Variants in BIN1 observed in about 807,000 individuals in gnomAD.
BIN1 encodes the protein myc box-dependent-interacting protein 1.
In BIN1, 53 loss-of-function variants were observed where a neutral mutation model predicts 82.0. That is an observed-to-expected ratio of 0.65 (90% CI 0.52 to 0.81). The LOEUF (loss-of-function observed/expected upper bound fraction) is 0.81, where lower values mean the gene tolerates loss of function less well. Ranked by LOEUF, BIN1 falls within the 40% of genes least tolerant of loss-of-function variation. BIN1 has a pLI of 0.00. For synonymous variants in BIN1, 302 were observed against 328.0 expected (o/e 0.92, Z 0.86); for missense variants, 642 against 784.4 (o/e 0.82, Z 2.17).
At chr2:127,061,668 G>T (rs1204646386) in intron 10 of BIN1, among the ~76,000 whole-genome samples, 3 of 152,202 alleles carry the variant, frequency 2.0e-5, no homozygotes, top group Admixed American at 2.0e-4. Context: ...TGCTCGTGTG[G>T]TTGAGCAGAA....
Position 127,048,532 on chromosome 2 carries a change from G to C in BIN1, c.1776C>G (p.Val592=). Residue 592 remains valine, a synonymous_variant, in exon 19 of 19, where the codon GTC becomes GTG. Coordinates refer to ENST00000316724, the MANE Select transcript of BIN1 (RefSeq NM_139343.3). ...GVFPENFTER[V]P is the part of the protein sequence containing the mutation. ...GGCTGCCTGGGCCCCGCCGTCATGG[G>C]ACCCTCTCAGTGAAGTTCTCGGGGA... The C allele has an allele frequency of 6.2e-7, 1 of 1,613,878 alleles. No individual in the cohort carries two copies. The highest frequency in any genetic ancestry group is 8.5e-7 in the Non-Finnish European group (1 of 1,179,996).
chr2:127,050,385 TCC>T (rs748563618), intron 18 of BIN1, 34 bp downstream of exon 18: 1 of 1,606,886 alleles, frequency 6.2e-7, no homozygotes, highest in African/African-American at 1.3e-5. Context: ...ATGCCTGTGG[TCC>T]CCCTGCGCTC....
intron 1 of BIN1, among the ~76,000 whole-genome samples, chr2:127,085,931 G>A (rs578116280): frequency 2.4e-4 from 36 of 152,326 alleles, no homozygotes; most frequent in African/African-American, 8.7e-4. Context: ...TCTCACTTCA[G>A]AGGGGACTCC....
At chr2:127,102,007 T>C (rs898606761) in intron 1 of BIN1, among the ~76,000 whole-genome samples, 4 of 152,154 alleles carry the variant, frequency 2.6e-5, no homozygotes, top group African/African-American at 9.7e-5. Context: ...TGGCATTCAA[T>C]GAGCACTTGC....
intron 7 of BIN1, 84 bp from the exon 8 acceptor site, chr2:127,064,102 C>T (rs1366225552): frequency 1.3e-6 from 2 of 1,502,596 alleles, no homozygotes; most frequent in African/African-American, 2.7e-5. Flanking sequence ...CTCCTGCCCA[C>T]CCCTCTTGGC....
intron 17 of BIN1, 126 bp from the exon 18 acceptor site, chr2:127,050,648 A>G (rs1682800620): frequency 1.5e-6 from 2 of 1,340,866 alleles, no homozygotes; most frequent in Non-Finnish European, 1.1e-6. Context: ...AAGCAGCAGG[A>G]CAGTATGGGG....
intron 1 of BIN1, among the ~76,000 whole-genome samples, chr2:127,087,079 T>C (rs1053117569): frequency 6.6e-6 from 1 of 152,182 alleles, no homozygotes; most frequent in African/African-American, 2.4e-5. Flanking sequence ...GAGCAAAAAG[T>C]GGTGTTGGGT....
chr2:127,063,583 C>T lies in BIN1; in HGVS notation c.762G>A (p.Lys254=). Residue 254 remains lysine (K), a synonymous_variant, in exon 9 of 19, where the codon AAG becomes AAA. Coordinates refer to ENST00000316724, the MANE Select transcript of BIN1 (RefSeq NM_139343.3). ...SIAGLEENFH[K]EMSKLNQNLN... is the part of the protein sequence containing the mutation. ...CCCCATGGCCTACCTTGCTCATCTC[C>T]TTGTGGAAGTTTTCCTCCAGGCCCG... 1 of 1,614,012 alleles carries T rather than the reference C, an allele frequency of 6.2e-7. No individual in the cohort carries two copies. The highest frequency in any genetic ancestry group is 8.5e-7 in the Non-Finnish European group (1 of 1,179,972).
chr2:127,074,104 T>C (rs1304955437), intron 2 of BIN1, among the ~76,000 whole-genome samples: 1 of 152,014 alleles, frequency 6.6e-6, no homozygotes, highest in African/African-American at 2.4e-5. Flanking sequence ...CCTTGTCCCT[T>C]GTAGTGCTGG....
chr2:127,051,032 G>A (rs1052980508), intron 16 of BIN1, 120 bp from the exon 17 acceptor site: 31 of 1,503,714 alleles, frequency 2.1e-5, no homozygotes, highest in Admixed American at 1.0e-4. Flanking sequence ...AGACCGGCCC[G>A]CCTCCAGCTT....
chr2:127,064,450 AGCATCTGTCGCTGCCCC>A (rs1684893750), intron 7 of BIN1, among the ~76,000 whole-genome samples: 1 of 152,176 alleles, frequency 6.6e-6, no homozygotes. Context: ...CTCTCAGGGC[AGCATCTGTCGCTGCCCC>A]CAATTGCCCC....
intron 1 of BIN1, among the ~76,000 whole-genome samples, chr2:127,085,617 C>A (rs13425613): frequency 0.17 from 26,175 of 151,958 alleles, 2,366 homozygotes; most frequent in South Asian, 0.21. Context: ...GAGGAAGGAG[C>A]CCGAAAGAAA....
intron 5 of BIN1, among the ~76,000 whole-genome samples, chr2:127,069,486 G>A (rs887138735): frequency 6.6e-5 from 10 of 152,172 alleles, no homozygotes; most frequent in Non-Finnish European, 8.8e-5. Context: ...CACTCGCCTC[G>A]GTGGATACCA....
Position 127,059,148 on chromosome 2 carries a change from C to T in BIN1, c.865G>A (p.Ala289Thr), listed in dbSNP as rs779552563. ...FTVKAQPSDN[A>T]PAKGNKSPSP... ...GGGCTCTTGTTCCCTTTTGCAGGCG[C>T]GTTGTCACTGTGGGGGAGGACAAGA... The change falls in exon 11 of 19, where the codon GCG becomes ACG. Residue 289 changes from alanine (A) to threonine (T), a missense_variant. Ala to Thr is a moderately conservative substitution (Grantham distance 58, BLOSUM62 0). Coordinates refer to ENST00000316724, the MANE Select transcript of BIN1 (RefSeq NM_139343.3). The surrounding 1 kb of genome is among the most constrained non-coding windows in gnomAD (Gnocchi z 6.7). 22 of 1,577,002 alleles carry T rather than the reference C, an allele frequency of 1.4e-5. No individual in the cohort carries two copies. Among genetic ancestry groups the T allele is most frequent in the Middle Eastern group, 1.7e-4 (1 of 6,044 alleles).
intron 1 of BIN1, among the ~76,000 whole-genome samples, chr2:127,094,353 C>T (rs1249898344): frequency 6.6e-6 from 1 of 152,222 alleles, no homozygotes; most frequent in East Asian, 1.9e-4. Flanking sequence ...CACTGTGTGC[C>T]TACTATGTGC....
At chr2:127,085,913 A>G (rs13430975) in intron 1 of BIN1, among the ~76,000 whole-genome samples, 3,860 of 152,284 alleles carry the variant, frequency 0.025, 185 homozygotes, top group African/African-American at 0.088. Flanking sequence ...AGATGCTGCC[A>G]GCTCAGCTCT....
At chr2:127,099,112 C>T (rs905925255) in intron 1 of BIN1, among the ~76,000 whole-genome samples, 1 of 152,238 alleles carries the variant, frequency 6.6e-6, no homozygotes, top group Non-Finnish European at 1.5e-5. Context: ...TCCCACCCTG[C>T]ACCCTCAAAC....
intron 1 of BIN1, 90 bp downstream of exon 1, chr2:127,106,770 C>T: frequency 6.8e-7 from 1 of 1,474,408 alleles, no homozygotes; most frequent in Non-Finnish European, 9.1e-7. Context: ...GGCGAAGGAC[C>T]AGGCCCCGGG....
At chr2:127,060,419 C>T (rs973545009) in intron 10 of BIN1, among the ~76,000 whole-genome samples, 2 of 152,172 alleles carry the variant, frequency 1.3e-5, no homozygotes, top group African/African-American at 4.8e-5. Flanking sequence ...GAGGCCAGCC[C>T]GCCCCGCGCC....
Sources: allele counts gnomAD v4.1 joint callset (sites outside exome capture counted in the v4.1 genomes callset), GRCh38; gene constraint gnomAD v4.1.1; non-coding constraint Gnocchi (gnomAD v3.1); transcripts MANE v1.5; gene names NCBI Gene and HGNC (gene_info 2026-07-23, HGNC 2026-07-21).